The following SEMA3A variants were observed in gnomAD, a reference collection of about 807,000 sequenced individuals.
SEMA3A encodes semaphorin-3A.
SEMA3A carries 29 observed loss-of-function variants against 97.9 expected under a neutral mutation model. That is an observed-to-expected ratio of 0.30 (90% CI 0.22 to 0.40). The LOEUF is 0.40. Ranked by LOEUF, SEMA3A falls within the 10% of genes least tolerant of loss-of-function variation. The probability of loss-of-function intolerance (pLI) is 1.00; values close to 1 mark genes in which losing one functional copy is unlikely to be tolerated. For synonymous variants in SEMA3A, 321 were observed against 323.7 expected (o/e 0.99, Z 0.09); for missense variants, 763 against 951.3 (o/e 0.80, Z 2.60).
intron 3 of SEMA3A, among the ~76,000 whole-genome samples, chr7:84,121,415 A>C (rs1393855232): frequency 6.7e-6 from 1 of 149,766 alleles, no homozygotes; most frequent in Non-Finnish European, 1.5e-5. Flanking sequence ...CCTGTGTCCA[A>C]GTGTTCTCAT....
Position 84,134,944 on chromosome 7 carries a change from C to A in SEMA3A, c.120G>T (p.Leu40Phe). Residue 40 changes from leucine to phenylalanine, a missense_variant, in exon 2 of 17, where the codon TTG becomes TTT. Physicochemically the swap from Leu to Phe is conservative, Grantham distance 22. Transcript: ENST00000265362. ...PRLKLSYKEM[L>F]ESNNVITFNG... The stretch of plus-strand genomic sequence containing the variant: ...TGAAAGTGATCACATTGTTGGATTC[C>A]AACATTTCTGCAAGGTAACAAAGCA... 1.2e-6 allele frequency: 2 copies of A among 1,612,028 alleles called. No homozygotes were observed. The highest frequency in any genetic ancestry group is 1.7e-6 in the Non-Finnish European group (2 of 1,179,358).
chr7:84,433,826 C>T (rs1805050342), intron 1 of SEMA3A, among the ~76,000 whole-genome samples: 1 of 152,182 alleles, frequency 6.6e-6, no homozygotes, highest in Admixed American at 6.5e-5. Context: ...CTCTAATGAG[C>T]AGTGATTATC....
chr7:84,440,284 T>C (rs2116338402), intron 1 of SEMA3A, among the ~76,000 whole-genome samples: 1 of 152,266 alleles, frequency 6.6e-6, no homozygotes, highest in East Asian at 1.9e-4. Context: ...TTTTCAGCTT[T>C]TAGCACAAAA....
chr7:84,101,425 A>C (rs139114239), intron 4 of SEMA3A, among the ~76,000 whole-genome samples: 13 of 152,288 alleles, frequency 8.5e-5, no homozygotes, highest in African/African-American at 3.1e-4. Context: ...GTCAACTGAC[A>C]TTATGCAAAA....
intron 1 of SEMA3A, among the ~76,000 whole-genome samples, chr7:84,403,537 G>T (rs1346085493): frequency 6.6e-6 from 1 of 152,208 alleles, no homozygotes; most frequent in Non-Finnish European, 1.5e-5. Flanking sequence ...TGACAGCTTT[G>T]AAGAGAGTAG....
At chr7:84,343,519 T>C (rs1026186282) in intron 2 of SEMA3A, among the ~76,000 whole-genome samples, 1 of 152,192 alleles carries the variant, frequency 6.6e-6, no homozygotes, top group Non-Finnish European at 1.5e-5. Context: ...TTTCTAAAAC[T>C]AAATACTGAG....
chr7:84,060,534 A>T lies in SEMA3A; in HGVS notation c.478T>A (p.Ser160Thr), dbSNP rs142028375. The T allele has an allele frequency of 8.3e-5, 132 of 1,594,580 alleles. No individual in the cohort carries two copies. The highest frequency in any genetic ancestry group is 1.0e-4 in the Non-Finnish European group (119 of 1,173,120). ...PEDNIFKLENSHFENGRGKSP... is the reference protein window; with the variant it reads ...PEDNIFKLENTHFENGRGKSP... ...TTCCCACGGCCGTTTTCAAAATGTGAGTTCTCCAGCTTAAAAATATTGTCC... is the reference window on the plus strand; with the variant it reads ...TTCCCACGGCCGTTTTCAAAATGTGTGTTCTCCAGCTTAAAAATATTGTCC... Residue 160 changes from serine (S) to threonine (T), a missense_variant, in exon 5 of 17, where the codon TCA becomes ACA. By Grantham distance (58) the Ser-to-Thr change is moderately conservative. Around this residue, in one of 2 missense-constraint regions of SEMA3A, gnomAD observed 678 missense variants for 881.3 expected, o/e 0.77. Coordinates refer to ENST00000265362, the MANE Select transcript of SEMA3A (RefSeq NM_006080.3).
intron 1 of SEMA3A, among the ~76,000 whole-genome samples, chr7:84,417,533 A>G (rs573152587): frequency 2.0e-5 from 3 of 152,248 alleles, no homozygotes; most frequent in African/African-American, 7.2e-5. Context: ...ATTCTCACAA[A>G]AAATTTCTGT....
chr7:83,980,623 A>AAAAAAAAAAAAATATATATAT (rs1310318006), intron 14 of SEMA3A, among the ~76,000 whole-genome samples: 2 of 71,758 alleles, frequency 2.8e-5, no homozygotes, highest in African/African-American at 8.3e-5. Flanking sequence ...AAAAAAAAAA[A>AAAAAAAAAAAAATATATATAT]ATATATATAT....
At chr7:84,086,507 A>ATATTTACATATAATATAT (rs1794360871) in intron 4 of SEMA3A, among the ~76,000 whole-genome samples, 1 of 51,210 alleles carries the variant, frequency 2.0e-5, no homozygotes, top group African/African-American at 4.1e-5. Flanking sequence ...ATATATTATT[A>ATATTTACATATAATATAT]TATTATATTT....
At chr7:84,432,229 T>C (rs1297676149) in intron 1 of SEMA3A, among the ~76,000 whole-genome samples, 2 of 152,128 alleles carry the variant, frequency 1.3e-5, no homozygotes, top group East Asian at 3.8e-4. Flanking sequence ...GGACAAGATA[T>C]GTGTTGCAGA....
chr7:84,340,377 CA>C (rs1250486197), intron 2 of SEMA3A, among the ~76,000 whole-genome samples: 10 of 152,020 alleles, frequency 6.6e-5, no homozygotes, highest in Non-Finnish European at 1.5e-4. Context: ...ATACTAAATT[CA>C]GAATGAATTT....
At chr7:84,243,151 T>C (rs1177040899) in intron 3 of SEMA3A, among the ~76,000 whole-genome samples, 8 of 152,200 alleles carry the variant, frequency 5.3e-5, no homozygotes, top group Admixed American at 1.3e-4. Context: ...ATCAGGATGA[T>C]GCTGGCCTCA....
intron 15 of SEMA3A, among the ~76,000 whole-genome samples, chr7:83,973,474 A>T (rs998653950): frequency 6.6e-6 from 1 of 151,988 alleles, no homozygotes; most frequent in Non-Finnish European, 1.5e-5. Context: ...TATTAAAGGT[A>T]GGGATTACTT....
chr7:84,311,167 C>A (rs1015379569), intron 2 of SEMA3A, among the ~76,000 whole-genome samples: 3 of 151,844 alleles, frequency 2.0e-5, no homozygotes, highest in Admixed American at 6.6e-5. Flanking sequence ...CTATATTGGG[C>A]AAGGTTTTAG....
intron 1 of SEMA3A, among the ~76,000 whole-genome samples, chr7:84,470,021 A>G (rs1806107491): frequency 6.6e-6 from 1 of 151,716 alleles, no homozygotes. Context: ...AAAATCATTA[A>G]ATATTCTAAA....
chr7:84,344,811 C>T (rs774149399), intron 2 of SEMA3A, among the ~76,000 whole-genome samples: 1 of 152,098 alleles, frequency 6.6e-6, no homozygotes, highest in South Asian at 2.1e-4. Context: ...GCCTTCTTAG[C>T]ACACTCAGCA....
chr7:84,468,556 A>G (rs566683435), intron 1 of SEMA3A, among the ~76,000 whole-genome samples: 1 of 152,302 alleles, frequency 6.6e-6, no homozygotes, highest in East Asian at 1.9e-4. Context: ...CCTTGTTGTT[A>G]TCAACTATTA....
chr7:84,253,698 G>A (rs751122441), intron 3 of SEMA3A, among the ~76,000 whole-genome samples: 3 of 152,104 alleles, frequency 2.0e-5, no homozygotes, highest in Non-Finnish European at 4.4e-5. Context: ...GAGGGATAGA[G>A]GAGGGCAAAT....
Sources: gnomAD v4.1 joint callset for allele counts (sites outside exome capture counted in the v4.1 genomes callset) on GRCh38, gnomAD v4.1.1 for gene constraint, gnomAD v4.1.1 regional missense constraint, MANE v1.5 for transcripts, NCBI Gene and HGNC (gene_info 2026-07-23, HGNC 2026-07-21) for gene names.